Variants in NFE2L3 observed in about 807,000 individuals in gnomAD.
NFE2L3 encodes nuclear factor erythroid 2-related factor 3.
In NFE2L3, 18 loss-of-function variants were observed where a neutral mutation model predicts 23.5. The observed-to-expected ratio is 0.77, with a 90% CI of 0.53 to 1.13. The LOEUF (loss-of-function observed/expected upper bound fraction) is 1.13. Among genes scored for constraint, NFE2L3 ranks in the 50% most tolerant of loss-of-function variants. The pLI, the probability that NFE2L3 is intolerant of heterozygous loss-of-function variation, is 0.00. For synonymous variants in NFE2L3, 424 were observed against 354.5 expected (o/e 1.20, Z -2.20); for missense variants, 1,152 against 877.2 (o/e 1.31, Z -3.96).
At chr7:26,170,326 G>A (rs1364501722) in intron 1 of NFE2L3, among the ~76,000 whole-genome samples, 1 of 152,134 alleles carries the variant, frequency 6.6e-6, no homozygotes, top group East Asian at 1.9e-4. Context: ...GAGCAGGCAG[G>A]CACTCTAACA....
intron 1 of NFE2L3, among the ~76,000 whole-genome samples, chr7:26,156,266 T>A (rs1465002892): frequency 6.6e-6 from 1 of 152,224 alleles, no homozygotes; most frequent in East Asian, 1.9e-4. Flanking sequence ...ACTTAAGTGC[T>A]TAGTTAGTAA....
rs189236086 is a variant in NFE2L3, at chr7:26,171,561, A to G, written c.571-6382A>G. Among the ~76,000 whole-genome samples the G allele has an allele frequency of 1.1e-4, 17 of 152,206 alleles. No homozygotes were observed. The East Asian group carries it at 3.1e-3, about 28-fold the overall frequency. On this transcript the variant is annotated intron_variant, in intron 1 of 3. Coordinates refer to ENST00000056233, the MANE Select transcript of NFE2L3 (RefSeq NM_004289.7). ...CTCCTTCTGAAAAGAAAAAAAAAAAAAAGAAGCCAGTTAAATAAACTATGG... is the reference window on the plus strand; with the variant it reads ...CTCCTTCTGAAAAGAAAAAAAAAAAGAAGAAGCCAGTTAAATAAACTATGG...
At chr7:26,178,225 T>C (rs1469267090) in intron 2 of NFE2L3, 103 bp downstream of exon 2, 2 of 893,048 alleles carry the variant, frequency 2.2e-6, no homozygotes, top group Non-Finnish European at 3.4e-6. Context: ...CAGTATGCTC[T>C]ACTATTAACA....
At chr7:26,156,109 G>A (rs1184887645) in intron 1 of NFE2L3, among the ~76,000 whole-genome samples, 1 of 152,218 alleles carries the variant, frequency 6.6e-6, no homozygotes, top group Admixed American at 6.5e-5. Flanking sequence ...TACCACGTCT[G>A]TGACCTTGGA....
chr7:26,152,586 C>T lies in NFE2L3; in HGVS notation c.88C>T (p.Leu30=), dbSNP rs1321435824. 2.6e-6 allele frequency: 4 copies of T among 1,547,488 alleles called. No homozygotes were observed. In the African/African-American group the frequency reaches 4.3e-5, roughly 16 times the overall value. The part of the protein sequence containing the change: ...LLSLAGLRVD[L]DLYLLLPPPT... ...GAGCTTGGCGGGGCTCCGCGTAGAC[C>T]TAGATCTTTACCTGCTGCTGCCGCC... Residue 30 remains leucine (L), a synonymous_variant, in exon 1 of 4, where the codon CTA becomes TTA. Transcript: ENST00000056233. This position sits in a 1 kb window ranked among gnomAD's most constrained non-coding sequence, Gnocchi z 4.4.
At position 26,152,471 on chromosome 7, in the gene NFE2L3, C is replaced by T; in HGVS notation, c.-28C>T. 7.9e-7 allele frequency: 1 copy of T among 1,266,082 alleles called. No individual in the cohort carries two copies. The highest frequency in any genetic ancestry group is 9.9e-7 in the Non-Finnish European group (1 of 1,007,242). 78.4% of individuals were successfully genotyped at this position (1,266,082 alleles called of 1,614,324 possible). On this transcript the variant is annotated 5_prime_UTR_variant, in exon 1 of 4. Transcript: ENST00000056233. This position sits in a 1 kb window ranked among gnomAD's most constrained non-coding sequence, Gnocchi z 4.4. ...GGGCGCCGGGACCCGCGGGCGCCGG[C>T]AGGGGCGTTCCCGGGCGCGCGGCGG...
intron 1 of NFE2L3, among the ~76,000 whole-genome samples, chr7:26,158,753 C>G (rs1379984085): frequency 6.6e-6 from 1 of 152,204 alleles, no homozygotes; most frequent in African/African-American, 2.4e-5. Context: ...CAAGCCCTGA[C>G]TTGAGGCAGG....
At chr7:26,155,617 C>G (rs1211905584) in intron 1 of NFE2L3, among the ~76,000 whole-genome samples, 1 of 152,170 alleles carries the variant, frequency 6.6e-6, no homozygotes, top group East Asian at 1.9e-4. Context: ...TAGGACGTCT[C>G]AGTGCATCTG....
chr7:26,183,177 A>G (rs1383749729), intron 2 of NFE2L3, among the ~76,000 whole-genome samples: 1 of 152,170 alleles, frequency 6.6e-6, no homozygotes, highest in Non-Finnish European at 1.5e-5. Context: ...ATTACATGGA[A>G]GTTGTTTATG....
intron 2 of NFE2L3, among the ~76,000 whole-genome samples, chr7:26,178,853 C>T (rs1784460294): frequency 6.6e-6 from 1 of 152,014 alleles, no homozygotes; most frequent in Non-Finnish European, 1.5e-5. Context: ...GGAAGGCATA[C>T]CCTCAGGGGT....
rs1326466421 is a variant in NFE2L3, at chr7:26,184,852, A to G, written c.1154A>G (p.Asp385Gly). 6.8e-6 allele frequency: 11 copies of G among 1,613,856 alleles called. No homozygotes were observed. Among genetic ancestry groups the G allele is most frequent in the Non-Finnish European group, 8.5e-6 (10 of 1,179,850 alleles). Residue 385 changes from aspartate (D) to glycine (G), a missense_variant, in exon 4 of 4, where the codon GAC (aspartate) becomes GGC (glycine). Asp to Gly is a moderately conservative substitution (Grantham distance 94). Coordinates refer to ENST00000056233, the MANE Select transcript of NFE2L3 (RefSeq NM_004289.7). ...AGCCAAGACCTACTGTATGACCTTG[A>G]CATAAATATATTTGATGAGATAAAC... Reference protein sequence around the residue: ...LTSQDLLYDLDINIFDEINLM... With the variant: ...LTSQDLLYDLGINIFDEINLM...
chr7:26,185,646 A>G lies in NFE2L3; in HGVS notation c.1948A>G (p.Arg650Gly). 1 of 1,613,954 alleles carries G rather than the reference A, an allele frequency of 6.2e-7. No homozygotes were observed. The highest frequency in any genetic ancestry group is 8.5e-7 in the Non-Finnish European group (1 of 1,179,830). The stretch of plus-strand genomic sequence containing the variant: ...TTATCATGATATTTTTAGTAGATTA[A>G]GAGATGACCAAGGTAGGCCAGTCAA... The part of the protein sequence containing the change: ...DLYHDIFSRL[R>G]DDQGRPVNPN... Residue 650 changes from arginine (R) to glycine (G), a missense_variant, in exon 4 of 4, where the codon AGA becomes GGA. Transcript: ENST00000056233.
Position 26,186,380 on chromosome 7 carries a change from A to G in NFE2L3, c.*597A>G, listed in dbSNP as rs1782488178. 2 of 152,288 alleles carry G rather than the reference A, an allele frequency of 1.3e-5. No individual in the cohort carries two copies. Among genetic ancestry groups the G allele is most frequent in the Non-Finnish European group, 2.9e-5 (2 of 68,086 alleles). The allele number at this position is 152,288 out of a possible 1,614,324, so 9.4% of individuals were successfully genotyped here. Reference sequence around the variant, plus strand: ...CCACATTCAGGAATATAGGTGAATAACAAATAAGGCAGCATAGCAAACTGC... The same window carrying G: ...CCACATTCAGGAATATAGGTGAATAGCAAATAAGGCAGCATAGCAAACTGC... On this transcript the variant is annotated 3_prime_UTR_variant, in exon 4 of 4. Transcript: ENST00000056233.
Position 26,152,650 on chromosome 7 carries a change from G to T in NFE2L3, c.152G>T (p.Gly51Val), listed in dbSNP as rs1202614315. 2.8e-5 allele frequency: 42 copies of T among 1,506,454 alleles called. No homozygotes were observed. Among genetic ancestry groups the T allele is most frequent in the Non-Finnish European group, 3.4e-5 (39 of 1,136,240 alleles). The allele number at this position is 1,506,454 out of a possible 1,614,324, so 93.3% of individuals were successfully genotyped here. ...LLQDELLFLG[G>V]PASSAYALSP... Reference sequence around the variant, plus strand: ...CAGGACGAGCTGCTGTTCCTGGGCGGCCCGGCCAGCTCCGCCTACGCGCTC... The same window carrying T: ...CAGGACGAGCTGCTGTTCCTGGGCGTCCCGGCCAGCTCCGCCTACGCGCTC... Residue 51 changes from glycine (G) to valine (V), a missense_variant, in exon 1 of 4, where the codon GGC (glycine) becomes GTC (valine). By Grantham distance (109) the Gly-to-Val change is moderately radical. Coordinates refer to ENST00000056233, the MANE Select transcript of NFE2L3 (RefSeq NM_004289.7). This position sits in a 1 kb window ranked among gnomAD's most constrained non-coding sequence, Gnocchi z 4.4.
At chr7:26,184,439 A>G (rs563966835) in intron 3 of NFE2L3, 94 bp from the exon 4 acceptor site, 9 of 1,134,792 alleles carry the variant, frequency 7.9e-6, no homozygotes, top group African/African-American at 3.1e-5. Flanking sequence ...ATGTAGAGGA[A>G]TTGACAAAAG....
chr7:26,184,635 G>C lies in NFE2L3; in HGVS notation c.937G>C (p.Val313Leu). ...VNFSQAISQD[V>L]NLHEAILLCP... is the part of the protein sequence containing the mutation. The stretch of plus-strand genomic sequence containing the variant: ...CTTCAGCCAGGCTATAAGTCAGGAT[G>C]TGAATCTTCATGAGGCCATCTTGCT... Residue 313 changes from valine (V) to leucine (L), a missense_variant, in exon 4 of 4, where the codon GTG becomes CTG. Transcript: ENST00000056233. The C allele has an allele frequency of 6.2e-7, 1 of 1,613,938 alleles. No homozygotes were observed. The highest frequency in any genetic ancestry group is 8.5e-7 in the Non-Finnish European group (1 of 1,179,836).
At chr7:26,181,398 T>C (rs1176209067) in intron 2 of NFE2L3, among the ~76,000 whole-genome samples, 1 of 152,192 alleles carries the variant, frequency 6.6e-6, no homozygotes, top group African/African-American at 2.4e-5. Context: ...ATCACTGGCA[T>C]TTCCATTCTT....
intron 1 of NFE2L3, among the ~76,000 whole-genome samples, chr7:26,156,635 G>T (rs1157796075): frequency 6.6e-6 from 1 of 152,210 alleles, no homozygotes; most frequent in South Asian, 2.1e-4. Context: ...AACAGTTTTT[G>T]TAGAATTGAA....
In NFE2L3 at chr7:26,185,820, T is replaced by G. The variant is rs1562681794; in HGVS notation, c.*37T>G. Reference sequence around the variant, plus strand: ...AGATGGACTCTATTATGTGAAGTAGTAATGTTCAGAAACTGATTATTTGGA... The same window carrying G: ...AGATGGACTCTATTATGTGAAGTAGGAATGTTCAGAAACTGATTATTTGGA... On this transcript the variant is annotated 3_prime_UTR_variant, in exon 4 of 4. Transcript: ENST00000056233. 1 of 1,502,490 alleles carries G rather than the reference T, an allele frequency of 6.7e-7. No individual in the cohort carries two copies. Among genetic ancestry groups the G allele is most frequent in the Non-Finnish European group, 9.0e-7 (1 of 1,117,182 alleles). The allele number at this position is 1,502,490 out of a possible 1,614,324, so 93.1% of individuals were successfully genotyped here. A position where few individuals can be genotyped will look rare whatever the true frequency, so the allele number is the denominator to read the frequency against.
Sources: allele counts gnomAD v4.1 joint callset (sites outside exome capture counted in the v4.1 genomes callset), GRCh38; gene constraint gnomAD v4.1.1; non-coding constraint Gnocchi (gnomAD v3.1); transcripts MANE v1.5; gene names NCBI Gene and HGNC (gene_info 2026-07-23, HGNC 2026-07-21).